CCDC6: variants seen among roughly 807,000 people sequenced by gnomAD.
CCDC6 encodes the protein coiled-coil domain-containing protein 6.
A neutral mutation model predicts 56.6 loss-of-function variants in CCDC6; 20 were observed. The ratio of observed to expected loss-of-function variants is 0.35; its 90% CI spans 0.25 to 0.51. The LOEUF is 0.51. CCDC6 is among the 20% of genes least tolerant of loss of function. The probability of loss-of-function intolerance (pLI) is 0.95; values close to 1 mark genes in which losing one functional copy is unlikely to be tolerated. For synonymous variants in CCDC6, 241 were observed against 234.4 expected, an observed-to-expected ratio of 1.03 and a Z score of -0.26; for missense variants, 367 against 601.1, an observed-to-expected ratio of 0.61 and a Z score of 4.07.
rs183496911 is a variant in CCDC6 at position 59,873,168 on chromosome 10, G to A, written c.304-20466C>T. Reference sequence around the variant, plus strand: ...TTTCCATAGCTCCACTCCCTTTTATGGGATGGACTGTGTCCTTGAAAAAGA... The same window carrying A: ...TTTCCATAGCTCCACTCCCTTTTATAGGATGGACTGTGTCCTTGAAAAAGA... On this transcript the variant is annotated intron_variant, in intron 1 of 8. Coordinates refer to ENST00000263102, the MANE Select transcript of CCDC6 (RefSeq NM_005436.5). 2.1e-3 allele frequency among the ~76,000 whole-genome samples: 316 copies of A among 152,216 alleles called. 3 individuals carry two copies. Among genetic ancestry groups the A allele is most frequent in the Non-Finnish European group, 6.8e-4 (46 of 68,014 alleles).
intron 2 of CCDC6, among the ~76,000 whole-genome samples, chr10:59,849,626 T>C (rs1286270512): frequency 1.3e-5 from 2 of 152,154 alleles, no homozygotes; most frequent in South Asian, 2.1e-4. Flanking sequence ...AAAACAAAAA[T>C]TGATCTGTAT....
chr10:59,799,109 T>C (rs543951366), intron 7 of CCDC6, among the ~76,000 whole-genome samples: 1 of 151,152 alleles, frequency 6.6e-6, no homozygotes, highest in East Asian at 2.0e-4. Flanking sequence ...TGAAGGGTAA[T>C]TATGAGTACT....
chr10:59,842,049 T>C (rs2070944479), intron 2 of CCDC6, among the ~76,000 whole-genome samples: 1 of 151,842 alleles, frequency 6.6e-6, no homozygotes, highest in Non-Finnish European at 1.5e-5. Flanking sequence ...TGTAAACACT[T>C]TATTTATGTT....
At position 59,791,625 on chromosome 10, in the gene CCDC6, C is replaced by T. The variant is rs1454143582; in HGVS notation, c.*1292G>A. 1 of 203,028 alleles carries T rather than the reference C, an allele frequency of 4.9e-6. No homozygotes were observed. Among genetic ancestry groups the T allele is most frequent in the East Asian group, 7.7e-5 (1 of 13,044 alleles). 12.6% of individuals were successfully genotyped at this position (203,028 alleles called of 1,614,324 possible). On this transcript the variant is annotated 3_prime_UTR_variant, in exon 9 of 9. Transcript: ENST00000263102. ...ACATTCTCTAGTAAGTTATTTTCAT[C>T]CACAGCATATATAAATATGCAAACA...
At chr10:59,818,441 T>G (rs912727293) in intron 3 of CCDC6, among the ~76,000 whole-genome samples, 2 of 143,204 alleles carry the variant, frequency 1.4e-5, no homozygotes, top group Admixed American at 7.1e-5. Context: ...GCCGTGTGGA[T>G]TCTCAAGTAC....
chr10:59,853,324 AAGAGTTGAGACCAGCCTGGGCAGC>A (rs2071054585), intron 1 of CCDC6, among the ~76,000 whole-genome samples: 1 of 152,124 alleles, frequency 6.6e-6, no homozygotes, highest in Non-Finnish European at 1.5e-5. Context: ...CTTTGATCTC[AAGAGTTGAGACCAGCCTGGGCAGC>A]ATGGCAAAAC....
chr10:59,818,529 C>T (rs1276480327), intron 3 of CCDC6, among the ~76,000 whole-genome samples: 1 of 144,368 alleles, frequency 6.9e-6, no homozygotes, highest in East Asian at 2.1e-4. Flanking sequence ...AGTGGGGCCT[C>T]TGTCTATGTA....
intron 6 of CCDC6, chr10:59,805,428 G>C (rs1186505135): frequency 6.6e-6 from 1 of 152,124 alleles, no homozygotes; most frequent in Non-Finnish European, 1.5e-5. Flanking sequence ...ACCTACAAAA[G>C]GTAGGGCAAA....
rs143574999 is a variant in CCDC6, at chr10:59,888,243, G to A, written c.303+17879C>T. ...AGCCATAGATGCCAGTCCATCTTCCGAGGGCATGACTCCCCACAGATGCTC... is the reference window on the plus strand; with the variant it reads ...AGCCATAGATGCCAGTCCATCTTCCAAGGGCATGACTCCCCACAGATGCTC... On this transcript the variant is annotated intron_variant, in intron 1 of 8. Transcript: ENST00000263102. 4.0e-4 allele frequency among the ~76,000 whole-genome samples: 61 copies of A among 152,306 alleles called. No homozygotes were observed. In the East Asian group the frequency reaches 0.01, roughly 25 times the overall value.
Position 59,906,516 on chromosome 10 carries a change from A to T in CCDC6, c.-92T>A. On this transcript the variant is annotated 5_prime_UTR_variant, in exon 1 of 9. Coordinates refer to ENST00000263102, the MANE Select transcript of CCDC6 (RefSeq NM_005436.5). ...GAATGAGTGGGCGCCGGGCGAGCAC[A>T]GGGGAGCGCCGAGCTGAGCGCCTGG... 1 of 1,164,400 alleles carries T rather than the reference A, an allele frequency of 8.6e-7. No individual in the cohort carries two copies. The highest frequency in any genetic ancestry group is 1.1e-6 in the Non-Finnish European group (1 of 874,526). The allele number at this position is 1,164,400 out of a possible 1,614,324, so 72.1% of individuals were successfully genotyped here.
At chr10:59,904,691 C>T (rs1564761999) in intron 1 of CCDC6, among the ~76,000 whole-genome samples, 1 of 152,228 alleles carries the variant, frequency 6.6e-6, no homozygotes, top group African/African-American at 2.4e-5. Context: ...TTTACCATCT[C>T]ACATGAAAGT....
chr10:59,887,862 T>C (rs1342125609), intron 1 of CCDC6, among the ~76,000 whole-genome samples: 1 of 152,096 alleles, frequency 6.6e-6, no homozygotes, highest in Non-Finnish European at 1.5e-5. Context: ...GAAAGAACCC[T>C]AGCCTGGATG....
intron 3 of CCDC6, among the ~76,000 whole-genome samples, chr10:59,818,017 C>T (rs769329387): frequency 7.2e-5 from 11 of 152,088 alleles, no homozygotes; most frequent in African/African-American, 1.4e-4. Flanking sequence ...AAGATAGGAA[C>T]GGATATCGGT....
At chr10:59,828,500 T>C (rs772525116) in intron 3 of CCDC6, among the ~76,000 whole-genome samples, 3 of 152,166 alleles carry the variant, frequency 2.0e-5, no homozygotes, top group Non-Finnish European at 2.9e-5. Context: ...AGGAAAGCAG[T>C]AGAGTTCTTT....
chr10:59,820,930 C>T (rs1316249923), intron 3 of CCDC6, among the ~76,000 whole-genome samples: 1 of 150,468 alleles, frequency 6.6e-6, no homozygotes, highest in Non-Finnish European at 1.5e-5. Flanking sequence ...AACACAACAA[C>T]TTCCCAAAGC....
chr10:59,798,002 C>T (rs1396926457), intron 7 of CCDC6, among the ~76,000 whole-genome samples: 1 of 152,152 alleles, frequency 6.6e-6, no homozygotes, highest in Admixed American at 6.5e-5. Flanking sequence ...GCATGTGAAG[C>T]CCTGCTCGTC....
chr10:59,886,092 C>T (rs1378845939), intron 1 of CCDC6, among the ~76,000 whole-genome samples: 1 of 152,064 alleles, frequency 6.6e-6, no homozygotes, highest in African/African-American at 2.4e-5. Context: ...ACAAAGAAGA[C>T]CGGCCAATAT....
chr10:59,796,027 T>C lies in CCDC6; in HGVS notation c.1106-1430A>G, dbSNP rs184810743. Among the ~76,000 whole-genome samples, 1,460 of 152,300 alleles carry C rather than the reference T, an allele frequency of 9.6e-3. 34 individuals carry two copies. Among genetic ancestry groups the C allele is most frequent in the African/African-American group, 0.033 (1,381 of 41,548 alleles). ...TGGCTGGGTCAAATGGTATTTCTAG[T>C]TCTAGATCCCTGAGGAATCACCACA... On this transcript the variant is annotated intron_variant, in intron 7 of 8. Coordinates refer to ENST00000263102, the MANE Select transcript of CCDC6 (RefSeq NM_005436.5).
intron 2 of CCDC6, among the ~76,000 whole-genome samples, chr10:59,848,097 C>T (rs1452565118): frequency 2.6e-5 from 4 of 152,158 alleles, no homozygotes; most frequent in Middle Eastern, 3.4e-3. Flanking sequence ...GTGTGCCCTG[C>T]GATAGAATAG....
Sources: allele counts gnomAD v4.1 joint callset (sites outside exome capture counted in the v4.1 genomes callset), GRCh38; gene constraint gnomAD v4.1.1; transcripts MANE v1.5; gene names NCBI Gene and HGNC (gene_info 2026-07-23, HGNC 2026-07-21).